Variants in PDLIM5 observed in about 807,000 individuals in gnomAD.
PDLIM5 encodes the protein PDZ and LIM domain protein 5.
PDLIM5 carries 34 observed loss-of-function variants against 64.2 expected under a neutral mutation model. That is an observed-to-expected ratio of 0.53 (90% CI 0.40 to 0.71). The LOEUF (loss-of-function observed/expected upper bound fraction) is 0.71, where lower values mean the gene tolerates loss of function less well. Among genes scored for constraint, PDLIM5 ranks in the 30% least tolerant of loss-of-function variants. PDLIM5 has a pLI of 0.00. For missense variants in PDLIM5, 683 were observed against 733.6 expected, an observed-to-expected ratio of 0.93 and a Z score of 0.80; for synonymous variants, 253 against 269.1, an observed-to-expected ratio of 0.94 and a Z score of 0.59.
At chr4:94,517,433 G>C (rs1729459793) in intron 2 of PDLIM5, among the ~76,000 whole-genome samples, 1 of 152,162 alleles carries the variant, frequency 6.6e-6, no homozygotes. Context: ...CAAAATTCAA[G>C]ATTGCTCATT....
intron 2 of PDLIM5, among the ~76,000 whole-genome samples, chr4:94,513,348 T>G (rs1264166215): frequency 6.6e-6 from 1 of 152,230 alleles, no homozygotes; most frequent in Non-Finnish European, 1.5e-5. Context: ...CAATATTGAT[T>G]CTTTCAATCC....
intron 4 of PDLIM5, among the ~76,000 whole-genome samples, chr4:94,574,230 G>C (rs531493034): frequency 1.2e-4 from 18 of 152,180 alleles, no homozygotes; most frequent in Non-Finnish European, 2.4e-4. Flanking sequence ...GCGCGCGGTG[G>C]GTCACGCCTG....
At chr4:94,601,239 A>G (rs1353587054) in intron 7 of PDLIM5, among the ~76,000 whole-genome samples, 1 of 152,196 alleles carries the variant, frequency 6.6e-6, no homozygotes, top group Non-Finnish European at 1.5e-5. Flanking sequence ...CTTAGTTCAT[A>G]GATGATGCCT....
intron 2 of PDLIM5, among the ~76,000 whole-genome samples, chr4:94,479,151 C>T (rs9990678): frequency 0.37 from 55,618 of 150,914 alleles, 10,796 homozygotes; most frequent in Non-Finnish European, 0.44. Flanking sequence ...CCTCCCACCT[C>T]GGCCTTCCAA....
At chr4:94,572,017 A>T (rs1734848884) in intron 3 of PDLIM5, among the ~76,000 whole-genome samples, 1 of 152,190 alleles carries the variant, frequency 6.6e-6, no homozygotes, top group Non-Finnish European at 1.5e-5. Flanking sequence ...AACCAAATTA[A>T]CTGTTTTTGG....
At chr4:94,609,077 A>G (rs968124198) in intron 7 of PDLIM5, among the ~76,000 whole-genome samples, 2 of 152,184 alleles carry the variant, frequency 1.3e-5, no homozygotes, top group Admixed American at 6.5e-5. Context: ...GCCTGTGGAA[A>G]TTGGAAGAAT....
intron 5 of PDLIM5, chr4:94,582,834 T>C (rs1373362965): frequency 1.3e-6 from 1 of 767,454 alleles, no homozygotes; most frequent in Admixed American, 2.6e-5. Flanking sequence ...TTTCTCATTA[T>C]AAGAATTTTC....
chr4:94,590,828 C>T (rs1736621963), intron 7 of PDLIM5, among the ~76,000 whole-genome samples: 1 of 152,128 alleles, frequency 6.6e-6, no homozygotes, highest in Non-Finnish European at 1.5e-5. Context: ...CTATCCATAG[C>T]ATTTTAAATG....
rs117884491 is a variant in PDLIM5, at chr4:94,553,195, G to A, written c.249-20156G>A. On this transcript the variant is annotated intron_variant, in intron 3 of 12. Coordinates refer to ENST00000317968, the MANE Select transcript of PDLIM5 (RefSeq NM_006457.5). The stretch of plus-strand genomic sequence containing the variant: ...GCTGGAGTGCAGTGGTAAGATCTCC[G>A]CCTCCCAGATTCAAGCAATTCTCCA... 5.7e-3 allele frequency among the ~76,000 whole-genome samples: 863 copies of A among 152,040 alleles called. 63 individuals are homozygous for A. In the East Asian group the frequency reaches 0.15, roughly 26 times the overall value.
chr4:94,556,963 G>A (rs543920148), intron 3 of PDLIM5, among the ~76,000 whole-genome samples: 4 of 152,128 alleles, frequency 2.6e-5, no homozygotes, highest in Non-Finnish European at 2.9e-5. Context: ...TGGTGTTTTC[G>A]TCAGGAAGTC....
chr4:94,561,974 G>A (rs1414019206), intron 3 of PDLIM5, among the ~76,000 whole-genome samples: 1 of 152,200 alleles, frequency 6.6e-6, no homozygotes, highest in East Asian at 1.9e-4. Context: ...AGTGAGCTTT[G>A]CAGACATGTA....
At chr4:94,575,025 TATTA>T (rs1413520004) in intron 4 of PDLIM5, among the ~76,000 whole-genome samples, 3 of 151,652 alleles carry the variant, frequency 2.0e-5, no homozygotes, top group Non-Finnish European at 2.9e-5. Flanking sequence ...TCTTTAAGAT[TATTA>T]ATTAGAGTTT....
At chr4:94,558,991 G>A (rs968379889) in intron 3 of PDLIM5, among the ~76,000 whole-genome samples, 1 of 151,900 alleles carries the variant, frequency 6.6e-6, no homozygotes, top group Non-Finnish European at 1.5e-5. Context: ...AAGTTGAGTA[G>A]GTTTTTATGC....
At chr4:94,542,534 T>G (rs1261300914) in intron 3 of PDLIM5, among the ~76,000 whole-genome samples, 1 of 152,164 alleles carries the variant, frequency 6.6e-6, no homozygotes, top group African/African-American at 2.4e-5. Flanking sequence ...AAGAGGAGGT[T>G]TGGATCTCTT....
intron 8 of PDLIM5, among the ~76,000 whole-genome samples, chr4:94,636,566 T>A (rs1578516230): frequency 7.0e-6 from 1 of 142,008 alleles, no homozygotes; most frequent in Non-Finnish European, 1.5e-5. Context: ...TGAGATGGAG[T>A]CTTGCTCTGT....
At chr4:94,579,296 T>G in intron 5 of PDLIM5, 2 of 302,880 alleles carry the variant, frequency 6.6e-6, no homozygotes, top group Non-Finnish European at 1.2e-5. Flanking sequence ...CTGTTTTGCA[T>G]CAAGTAGTTT....
chr4:94,594,679 C>T (rs1364151560), intron 7 of PDLIM5, among the ~76,000 whole-genome samples: 2 of 151,964 alleles, frequency 1.3e-5, no homozygotes, highest in East Asian at 3.9e-4. Context: ...CTTGATCTCA[C>T]CATGTTCTCA....
At chr4:94,564,259 G>A (rs995860504) in intron 3 of PDLIM5, among the ~76,000 whole-genome samples, 2 of 152,080 alleles carry the variant, frequency 1.3e-5, no homozygotes, top group East Asian at 3.9e-4. Flanking sequence ...ATCGTGCCCG[G>A]CCTTAGAAAT....
At chr4:94,586,869 A>T in intron 7 of PDLIM5, 1 of 953,178 alleles carries the variant, frequency 1.0e-6, no homozygotes, top group Non-Finnish European at 1.5e-6. Context: ...CAGCTATGTG[A>T]AATTAAGCTT....
Sources: allele counts gnomAD v4.1 joint callset (sites outside exome capture counted in the v4.1 genomes callset), GRCh38; gene constraint gnomAD v4.1.1; transcripts MANE v1.5; gene names NCBI Gene and HGNC (gene_info 2026-07-23, HGNC 2026-07-21).